The following ARID2 variants were observed in gnomAD, a reference collection of about 807,000 sequenced individuals.
ARID2 encodes the protein AT-rich interactive domain-containing protein 2.
In ARID2, 32 loss-of-function variants were observed where a neutral mutation model predicts 184.6. The ratio of observed to expected loss-of-function variants is 0.17; its 90% confidence interval spans 0.13 to 0.23. The LOEUF is 0.23. Ranked by LOEUF, ARID2 falls within the 10% of genes least tolerant of loss-of-function variation. ARID2 has a pLI of 1.00. For synonymous variants in ARID2, 836 were observed against 772.6 expected, an observed-to-expected ratio of 1.08 and a Z score of -1.36; for missense variants, 1,696 against 2,197.6, an observed-to-expected ratio of 0.77 and a Z score of 4.56.
chr12:45,842,353 G>GTC, intron 11 of ARID2: 1 of 149,844 alleles, frequency 6.7e-6, no homozygotes, highest in Non-Finnish European at 1.5e-5. Flanking sequence ...ATGTATATAT[G>GTC]TGTATATATA....
chr12:45,749,100 T>C (rs1941412647), intron 3 of ARID2, among the ~76,000 whole-genome samples: 1 of 152,248 alleles, frequency 6.6e-6, no homozygotes, highest in Non-Finnish European at 1.5e-5. Flanking sequence ...TTTGCTCACT[T>C]CCATCCAGGG....
chr12:45,854,799 T>C (rs1017184555), intron 15 of ARID2, among the ~76,000 whole-genome samples: 33 of 152,238 alleles, frequency 2.2e-4, no homozygotes, highest in African/African-American at 7.2e-4. Context: ...ACAATAATAC[T>C]AGCTAAGACG....
chr12:45,813,247 A>G (rs569280033), intron 4 of ARID2, among the ~76,000 whole-genome samples: 8 of 152,282 alleles, frequency 5.3e-5, no homozygotes, highest in Non-Finnish European at 7.4e-5. Flanking sequence ...ATCAGATTAC[A>G]GAATATCTAG....
Position 45,862,380 on chromosome 12 carries a change from A to G in ARID2, c.4922+1431A>G, listed in dbSNP as rs546920658. On this transcript the variant is annotated intron_variant, in intron 16 of 20. Coordinates refer to ENST00000334344, the MANE Select transcript of ARID2 (RefSeq NM_152641.4). Reference sequence around the variant, plus strand: ...AAGGATTATTTCCTTCATTCATTTAATTTGACCATCTCTTTCTTTTTAAGG... The same window carrying G: ...AAGGATTATTTCCTTCATTCATTTAGTTTGACCATCTCTTTCTTTTTAAGG... Among the ~76,000 whole-genome samples the G allele has an allele frequency of 4.6e-5, 7 of 152,202 alleles. No individual in the cohort carries two copies. The South Asian group carries it at 1.5e-3, about 32-fold the overall frequency.
intron 3 of ARID2, among the ~76,000 whole-genome samples, chr12:45,790,121 A>C (rs773520770): frequency 4.6e-5 from 7 of 152,078 alleles, no homozygotes; most frequent in Non-Finnish European, 8.8e-5. Context: ...CCATTTTTAA[A>C]TTATTCAGTT....
intron 2 of ARID2, among the ~76,000 whole-genome samples, chr12:45,730,619 G>A (rs931108007): frequency 6.6e-6 from 1 of 151,940 alleles, no homozygotes; most frequent in Admixed American, 6.6e-5. Context: ...ATCGATAATC[G>A]GCTGCGAAAT....
At chr12:45,791,363 T>C (rs2138053994) in intron 3 of ARID2, among the ~76,000 whole-genome samples, 1 of 152,332 alleles carries the variant, frequency 6.6e-6, no homozygotes, top group Middle Eastern at 3.4e-3. Flanking sequence ...ATGTGGCAAA[T>C]TACATTTTAA....
At chr12:45,749,567 C>T (rs912545612) in intron 3 of ARID2, among the ~76,000 whole-genome samples, 2 of 152,316 alleles carry the variant, frequency 1.3e-5, no homozygotes, top group Non-Finnish European at 2.9e-5. Context: ...ATTGACTTTT[C>T]CTTTCTAGCT....
At chr12:45,789,397 TATA>T (rs1942252614) in intron 3 of ARID2, 1 of 152,234 alleles carries the variant, frequency 6.6e-6, no homozygotes, top group Non-Finnish European at 1.5e-5. Context: ...TGACTTCTAA[TATA>T]ATTGCATTGT....
intron 5 of ARID2, among the ~76,000 whole-genome samples, chr12:45,819,507 T>A (rs1942858728): frequency 6.6e-6 from 1 of 152,182 alleles, no homozygotes; most frequent in African/African-American, 2.4e-5. Flanking sequence ...AGACATATTT[T>A]ATTTGGTTAG....
At chr12:45,865,991 A>T (rs1416808847) in intron 16 of ARID2, among the ~76,000 whole-genome samples, 1 of 152,120 alleles carries the variant, frequency 6.6e-6, no homozygotes, top group South Asian at 2.1e-4. Context: ...ATCAGAAGAT[A>T]ACCATGGTTG....
intron 3 of ARID2, among the ~76,000 whole-genome samples, chr12:45,800,233 G>A (rs1312318942): frequency 6.6e-6 from 1 of 152,078 alleles, no homozygotes; most frequent in Non-Finnish European, 1.5e-5. Flanking sequence ...ATACAATAAC[G>A]TGGCAGAGTA....
chr12:45,733,037 T>C (rs1447286591), intron 3 of ARID2, among the ~76,000 whole-genome samples: 2 of 152,164 alleles, frequency 1.3e-5, no homozygotes, highest in East Asian at 3.8e-4. Context: ...TCAGATCAAA[T>C]TGGGCTTTTT....
intron 3 of ARID2, among the ~76,000 whole-genome samples, chr12:45,735,459 G>C (rs941547565): frequency 1.4e-5 from 2 of 145,054 alleles, no homozygotes; most frequent in Non-Finnish European, 3.0e-5. Context: ...GTGTGTGTGT[G>C]TAGACAGGGG....
intron 3 of ARID2, among the ~76,000 whole-genome samples, chr12:45,733,708 T>G (rs1592042417): frequency 6.6e-6 from 1 of 152,224 alleles, no homozygotes; most frequent in Non-Finnish European, 1.5e-5. Context: ...TACAGATAAT[T>G]TAAATTAGGA....
At chr12:45,841,981 G>A (rs1377746156) in intron 11 of ARID2, 1 of 151,978 alleles carries the variant, frequency 6.6e-6, no homozygotes, top group Non-Finnish European at 1.5e-5. Context: ...CATTTGGCCA[G>A]GCACTGTGGC....
intron 16 of ARID2, among the ~76,000 whole-genome samples, chr12:45,890,950 A>T (rs1209735550): frequency 6.6e-6 from 1 of 152,054 alleles, no homozygotes; most frequent in African/African-American, 2.4e-5. Context: ...GCAGATCATG[A>T]GGTCAGGAAT....
intron 16 of ARID2, among the ~76,000 whole-genome samples, chr12:45,867,762 A>G (rs942668522): frequency 1.4e-4 from 21 of 151,778 alleles, no homozygotes; most frequent in African/African-American, 5.1e-4. Flanking sequence ...AAAAAGAAAA[A>G]AAAACTTCTG....
At chr12:45,878,383 C>T (rs910790126) in intron 16 of ARID2, among the ~76,000 whole-genome samples, 1 of 152,040 alleles carries the variant, frequency 6.6e-6, no homozygotes, top group South Asian at 2.1e-4. Flanking sequence ...TGTTATCACC[C>T]CACAGTCCTT....
Sources: gnomAD v4.1 joint callset for allele counts (sites outside exome capture counted in the v4.1 genomes callset) on GRCh38, gnomAD v4.1.1 for gene constraint, MANE v1.5 for transcripts, NCBI Gene and HGNC (gene_info 2026-07-23, HGNC 2026-07-21) for gene names.